Variants in PTPN7 observed in about 807,000 individuals in gnomAD.
PTPN7 encodes tyrosine-protein phosphatase non-receptor type 7.
In PTPN7, 33 loss-of-function variants were observed where a neutral mutation model predicts 50.3. The ratio of observed to expected loss-of-function variants is 0.66; its 90% CI spans 0.50 to 0.88. PTPN7 has a LOEUF of 0.88. PTPN7 is among the 40% of genes least tolerant of loss of function. The pLI is 0.00. For synonymous variants in PTPN7, 185 were observed against 186.6 expected (o/e 0.99, Z 0.07); for missense variants, 412 against 475.4 (o/e 0.87, Z 1.24).
intron 6 of PTPN7, 121 bp downstream of exon 6, chr1:202,154,065 G>T: frequency 2.2e-6 from 3 of 1,394,582 alleles, no homozygotes; most frequent in South Asian, 1.2e-5. Flanking sequence ...TTTCTGAGAG[G>T]TATGAGCTGG....
chr1:202,158,496 G>C (rs904559954), intron 2 of PTPN7, 195 bp from the exon 3 acceptor site: 5 of 560,902 alleles, frequency 8.9e-6, no homozygotes, highest in Non-Finnish European at 1.5e-5. Flanking sequence ...GAGTAACTGG[G>C]ACCACAGGTA....
chr1:202,157,893 G>A lies in PTPN7; in HGVS notation c.307-70C>T. On this transcript the variant is annotated intron_variant, in intron 3 of 9. Transcript: ENST00000691036. ...TTTTCTCTCCTTCTACCTTTTTCTA[G>A]AACAGCTGGACTCTGGCCATTCCTT... is the stretch of plus-strand genomic sequence containing the variant. The A allele has an allele frequency of 6.7e-6, 10 of 1,502,348 alleles. No homozygotes were observed. The South Asian group carries it at 1.1e-4, about 17-fold the overall frequency. 93.1% of individuals were successfully genotyped at this position (1,502,348 alleles called of 1,614,324 possible).
intron 7 of PTPN7, among the ~76,000 whole-genome samples, 164 bp downstream of exon 7, chr1:202,153,561 T>G (rs1466794228): frequency 6.6e-6 from 1 of 152,208 alleles, no homozygotes; most frequent in African/African-American, 2.4e-5. Context: ...CCTATTAGAC[T>G]AGAGGCTGAG....
chr1:202,151,074 T>G (rs961604829), intron 8 of PTPN7, among the ~76,000 whole-genome samples: 3 of 152,102 alleles, frequency 2.0e-5, no homozygotes, highest in African/African-American at 7.2e-5. Context: ...TCCCAAATGG[T>G]CCCTTTCTTT....
At chr1:202,153,674 T>G (rs577863698) in intron 7 of PTPN7, 51 bp downstream of exon 7, 1 of 1,448,356 alleles carries the variant, frequency 6.9e-7, no homozygotes, top group Admixed American at 1.7e-5. Context: ...GTCCCAGAGA[T>G]GCTGTGGGCG....
chr1:202,153,264 T>A (rs564270114), intron 7 of PTPN7, among the ~76,000 whole-genome samples: 1 of 152,208 alleles, frequency 6.6e-6, no homozygotes, highest in East Asian at 1.9e-4. Flanking sequence ...TGGGTTCAAG[T>A]GATTCTCCTG....
chr1:202,160,065 G>A lies in PTPN7; in HGVS notation c.-53+480C>T, dbSNP rs1402733556. On this transcript the variant is annotated intron_variant, in intron 1 of 9. Coordinates refer to ENST00000691036, the MANE Select transcript of PTPN7 (RefSeq NM_002832.4). This position sits in a 1 kb window ranked among gnomAD's most constrained non-coding sequence, Gnocchi z 4.8. ...CCTCCTGCCCATCCCCCCGTCTCCC[G>A]CCTCTGTAACCGTCACAGGAAATGG... is the stretch of plus-strand genomic sequence containing the variant. The A allele has an allele frequency of 3.9e-5, 33 of 842,806 alleles. No individual in the cohort carries two copies. Among genetic ancestry groups the A allele is most frequent in the Admixed American group, 3.4e-4 (6 of 17,404 alleles). 52.2% of individuals were successfully genotyped at this position (842,806 alleles called of 1,614,324 possible).
rs375757874 is a variant in PTPN7, at chr1:202,152,557, A to G, written c.860T>C (p.Ile287Thr). ...GGCCACGCACCTGCAGTGGACTACG[A>G]TAGGCCCGGGGTGGGCGGCTGTCTC... is the stretch of plus-strand genomic sequence containing the variant. Reference protein sequence around the residue: ...SPETAAHPGPIVVHCSAGIGR... With the variant: ...SPETAAHPGPTVVHCSAGIGR... Residue 287 changes from isoleucine (I) to threonine (T), a missense_variant, in exon 8 of 10, where the codon ATC becomes ACC. Physicochemically the swap from Ile to Thr is moderately conservative, Grantham distance 89. Transcript: ENST00000691036. 20 of 1,612,950 alleles carry G rather than the reference A, an allele frequency of 1.2e-5. No individual in the cohort carries two copies. The highest frequency in any genetic ancestry group is 3.3e-4 in the Middle Eastern group (2 of 6,078).
At chr1:202,152,174 G>T (rs1656080409) in intron 8 of PTPN7, among the ~76,000 whole-genome samples, 2 of 152,258 alleles carry the variant, frequency 1.3e-5, no homozygotes, top group Admixed American at 1.3e-4. Flanking sequence ...GCGTCCCAAA[G>T]TGCTGGGATT....
At chr1:202,155,431 A>C in intron 5 of PTPN7, 102 bp downstream of exon 5, 1 of 1,137,956 alleles carries the variant, frequency 8.8e-7, no homozygotes, top group Non-Finnish European at 1.3e-6. Context: ...CAGGGAGGGT[A>C]GGAAATGCAG....
In PTPN7 at chr1:202,147,019, G is replaced by C. The variant is rs1258970279; in HGVS notation, c.*1587C>G. 6.6e-6 allele frequency: 1 copy of C among 152,186 alleles called. No individual in the cohort carries two copies. Among genetic ancestry groups the C allele is most frequent in the Admixed American group, 6.5e-5 (1 of 15,274 alleles). The allele number at this position is 152,186 out of a possible 1,614,324, so 9.4% of individuals were successfully genotyped here. A position where few individuals can be genotyped will look rare whatever the true frequency, so the allele number is the denominator to read the frequency against. On this transcript the variant is annotated 3_prime_UTR_variant, in exon 10 of 10. Coordinates refer to ENST00000691036, the MANE Select transcript of PTPN7 (RefSeq NM_002832.4). ...GAAGATGGAAAGAAGGAATGAGTCAGTCATCCAAGAAGTCTTTATTTTCCC... is the reference window on the plus strand; with the variant it reads ...GAAGATGGAAAGAAGGAATGAGTCACTCATCCAAGAAGTCTTTATTTTCCC...
At position 202,159,480 on chromosome 1, in the gene PTPN7, G is replaced by C. The variant is rs755602316; in HGVS notation, c.-52-26C>G. 1.2e-6 allele frequency: 2 copies of C among 1,605,076 alleles called. No homozygotes were observed. The highest frequency in any genetic ancestry group is 1.1e-5 in the South Asian group (1 of 90,874). ...CTGAAAGACAGGGCCCTCCGCTGCT[G>C]TTCTCTGGCCTGCCTGATTGGCCAG... On this transcript the variant is annotated intron_variant, in intron 1 of 9. Transcript: ENST00000691036. The surrounding 1 kb of genome is among the most constrained non-coding windows in gnomAD (Gnocchi z 4.6).
At chr1:202,160,789 G>A, upstream of PTPN7, 2 of 1,546,730 alleles carry the variant, frequency 1.3e-6, no homozygotes, top group South Asian at 1.2e-5. The surrounding 1 kb of genome is among the most constrained non-coding windows in gnomAD (Gnocchi z 4.8). Context: ...TGGGTGAGGG[G>A]CCAGGCCTTC....
intron 8 of PTPN7, among the ~76,000 whole-genome samples, chr1:202,152,165 C>T (rs553676401): frequency 6.6e-6 from 1 of 152,224 alleles, no homozygotes; most frequent in African/African-American, 2.4e-5. Context: ...CCAGCCCTGG[C>T]GTCCCAAAGT....
chr1:202,161,216 C>A (rs1037056813), upstream of PTPN7: 1 of 1,122,656 alleles, frequency 8.9e-7, no homozygotes, highest in Non-Finnish European at 1.1e-6. Context: ...GTCGTCTCCA[C>A]GCCTGTGCCA....
chr1:202,160,777 A>T, upstream of PTPN7: 1 of 1,550,810 alleles, frequency 6.4e-7, no homozygotes, highest in Non-Finnish European at 8.7e-7. This position sits in a 1 kb window ranked among gnomAD's most constrained non-coding sequence, Gnocchi z 4.8. Context: ...GTTCCCTGGG[A>T]ATGGGTGAGG....
Position 202,159,028 on chromosome 1 carries a change from T to C in PTPN7, c.122+253A>G, listed in dbSNP as rs946599754. ...CCAGCCAGGCCCTGTGGCTCCGACA[T>C]GCATCCAGCACCAAGAAGGCTGTGG... On this transcript the variant is annotated intron_variant, in intron 2 of 9. Coordinates refer to ENST00000691036, the MANE Select transcript of PTPN7 (RefSeq NM_002832.4). This position sits in a 1 kb window ranked among gnomAD's most constrained non-coding sequence, Gnocchi z 4.6. 4 of 508,942 alleles carry C rather than the reference T, an allele frequency of 7.9e-6. No individual in the cohort carries two copies. The highest frequency in any genetic ancestry group is 5.7e-5 in the African/African-American group (3 of 52,290). The allele number at this position is 508,942 out of a possible 1,614,324, so 31.5% of individuals were successfully genotyped here.
At chr1:202,152,333 T>C (rs763579264) in intron 8 of PTPN7, among the ~76,000 whole-genome samples, 4 of 152,242 alleles carry the variant, frequency 2.6e-5, no homozygotes, top group African/African-American at 7.2e-5. Context: ...CCTCTATGGA[T>C]GGGGCCTGGG....
At chr1:202,161,003 C>T (rs1443017073), upstream of PTPN7, 2 of 1,423,970 alleles carry the variant, frequency 1.4e-6, no homozygotes, top group East Asian at 5.0e-5. Context: ...CTGCTTCTGC[C>T]CCACAGCCCT....
Sources: allele counts gnomAD v4.1 joint callset (sites outside exome capture counted in the v4.1 genomes callset), GRCh38; gene constraint gnomAD v4.1.1; non-coding constraint Gnocchi (gnomAD v3.1); transcripts MANE v1.5; gene names NCBI Gene and HGNC (gene_info 2026-07-23, HGNC 2026-07-21).